POMGNT1: variants seen among roughly 807,000 people sequenced by gnomAD.
POMGNT1 encodes protein O-linked-mannose beta-1,2-N-acetylglucosaminyltransferase 1.
POMGNT1 carries 67 observed loss-of-function variants against 95.6 expected under a neutral mutation model. The observed-to-expected ratio is 0.70, with a 90% CI of 0.58 to 0.86. POMGNT1 has a LOEUF of 0.86. Among genes scored for constraint, POMGNT1 ranks in the 40% least tolerant of loss-of-function variants. POMGNT1 has a pLI of 0.00. For synonymous variants in POMGNT1, 298 were observed against 317.9 expected, an observed-to-expected ratio of 0.94 and a Z score of 0.66; for missense variants, 719 against 855.2, an observed-to-expected ratio of 0.84 and a Z score of 1.99.
chr1:46,203,343 C>G, upstream of POMGNT1: 1 of 1,315,430 alleles, frequency 7.6e-7, no homozygotes, highest in East Asian at 2.9e-5. Flanking sequence ...CGGTTTTGCT[C>G]CGCTTTAGCA....
chr1:46,208,311 T>G (rs1337897270), intron 1 of POMGNT1, among the ~76,000 whole-genome samples: 2 of 152,158 alleles, frequency 1.3e-5, no homozygotes, highest in African/African-American at 2.4e-5. Flanking sequence ...GAATTTTAAG[T>G]GCTTGCTTCA....
Position 46,189,859 on chromosome 1 carries a change from C to A in POMGNT1, c.1780G>T (p.Ala594Ser), listed in dbSNP as rs749960797. ...DDDFTTWTQL[A>S]KCLHIWDLDV... ...TGGGCATGGTATTGGAGCACCTTGGCAAGCTGGGTCCAGGTGGTGAAGTCA... is the reference window on the plus strand; with the variant it reads ...TGGGCATGGTATTGGAGCACCTTGGAAAGCTGGGTCCAGGTGGTGAAGTCA... Residue 594 changes from alanine to serine, a missense_variant, in exon 20 of 22, where the codon GCC (alanine) becomes TCC (serine). Coordinates refer to ENST00000371984, the MANE Select transcript of POMGNT1 (RefSeq NM_017739.4). The A allele has an allele frequency of 4.6e-5, 75 of 1,613,702 alleles. No individual in the cohort carries two copies. The highest frequency in any genetic ancestry group is 6.1e-5 in the Non-Finnish European group (72 of 1,180,010).
chr1:46,207,607 C>T (rs932380178), intron 1 of POMGNT1, among the ~76,000 whole-genome samples: 6 of 151,386 alleles, frequency 4.0e-5, no homozygotes, highest in Admixed American at 6.6e-5. Flanking sequence ...GGTGCGATCT[C>T]GGCTCACTGC....
chr1:46,197,833 G>A lies in POMGNT1; in HGVS notation c.-12C>T, dbSNP rs551996110. 3.2e-5 allele frequency: 52 copies of A among 1,613,760 alleles called. No individual in the cohort carries two copies. The East Asian group carries it at 3.3e-4, about 10-fold the overall frequency. On this transcript the variant is annotated 5_prime_UTR_variant, in exon 2 of 22. Transcript: ENST00000371984. ...TTCCAGTCGTCCATACCGGATTGGC[G>A]GGTCACCAATGTCCTGGCCAGCCCA...
At chr1:46,217,659 C>T (rs939354544) in intron 1 of POMGNT1, among the ~76,000 whole-genome samples, 1 of 152,140 alleles carries the variant, frequency 6.6e-6, no homozygotes, top group Admixed American at 6.6e-5. Context: ...GAGTTTGAGA[C>T]CAGCCTGGCT....
chr1:46,218,721 CTG>C (rs1323145301), intron 1 of POMGNT1, among the ~76,000 whole-genome samples: 2 of 152,112 alleles, frequency 1.3e-5, no homozygotes, highest in Non-Finnish European at 2.9e-5. Context: ...TGAGATTACC[CTG>C]TAAGTCAAAT....
intron 17 of POMGNT1, 192 bp from the exon 18 acceptor site, chr1:46,190,976 C>A: frequency 1.6e-6 from 1 of 608,330 alleles, no homozygotes. Context: ...ATTTGGCCTC[C>A]ACCATTGCTG....
upstream of POMGNT1, among the ~76,000 whole-genome samples, chr1:46,202,716 A>C (rs1422677915): frequency 6.6e-6 from 1 of 150,490 alleles, no homozygotes; most frequent in Non-Finnish European, 1.5e-5. Context: ...AAAAAAAAAA[A>C]AAAAAAAATG....
intron 1 of POMGNT1, among the ~76,000 whole-genome samples, chr1:46,203,983 C>A (rs556189620): frequency 1.5e-4 from 23 of 152,246 alleles, no homozygotes; most frequent in Admixed American, 1.3e-3. Flanking sequence ...CCCCGCCAGT[C>A]CCCGTTGTAA....
chr1:46,197,433 T>C, intron 2 of POMGNT1: 1 of 1,492,608 alleles, frequency 6.7e-7, no homozygotes, highest in Non-Finnish European at 8.9e-7. Flanking sequence ...TGGCCCTAAC[T>C]GCCTCACAGG....
Position 46,190,525 on chromosome 1 carries a change from G to A in POMGNT1, c.1605-8C>T, listed in dbSNP as rs535331969. The A allele has an allele frequency of 2.2e-5, 36 of 1,602,736 alleles. No homozygotes were observed. In the East Asian group the frequency reaches 7.6e-4, roughly 34 times the overall value. On this transcript the variant is annotated splice_polypyrimidine_tract_variant and splice_region_variant and intron_variant, in intron 18 of 21. Coordinates refer to ENST00000371984, the MANE Select transcript of POMGNT1 (RefSeq NM_017739.4). ...TAAGCTTCTTTCTTCAGACTGAAGAGGAGGGAGAAATGGGTCAGGGGAGTG... is the reference window on the plus strand; with the variant it reads ...TAAGCTTCTTTCTTCAGACTGAAGAAGAGGGAGAAATGGGTCAGGGGAGTG...
intron 11 of POMGNT1, 38 bp from the exon 12 acceptor site, chr1:46,193,426 T>C (rs780831895): frequency 2.5e-6 from 4 of 1,606,408 alleles, no homozygotes; most frequent in East Asian, 4.5e-5. Context: ...GTGAGGTCAC[T>C]TTCCCTCTGC....
rs386834018 is a variant in POMGNT1, at chr1:46,189,901, G to A, written c.1738C>T (p.Arg580Ter). The A allele has an allele frequency of 5.0e-6, 8 of 1,613,900 alleles. No individual in the cohort carries two copies. Among genetic ancestry groups the A allele is most frequent in the Admixed American group, 1.7e-5 (1 of 59,988 alleles). Reference protein sequence around the residue: ...TEGHTYVAFIRMEKDDDFTTW... With the variant: ...TEGHTYVAFI ...GTGAAGTCATCATCTTTCTCCATTC[G>A]AATAAAGGCCACGTAGGTGTGGCCC... The change falls in exon 20 of 22, where the codon CGA becomes TGA. Residue 580 changes from arginine (R) to a stop codon, truncating the protein, a stop_gained. Transcript: ENST00000371984. LOFTEE classifies it high-confidence loss of function.
chr1:46,211,343 C>T (rs1464043835), intron 1 of POMGNT1, among the ~76,000 whole-genome samples: 1 of 151,978 alleles, frequency 6.6e-6, no homozygotes, highest in Admixed American at 6.6e-5. Context: ...CAGAAAGAGA[C>T]TGTTTCCTGA....
upstream of POMGNT1, among the ~76,000 whole-genome samples, chr1:46,202,923 GTGTGTGTGTGTGT>G (rs1658588995): frequency 2.2e-5 from 2 of 89,130 alleles, no homozygotes; most frequent in Non-Finnish European, 5.1e-5. Flanking sequence ...GGGGGGTGGT[GTGTGTGTGTGTGT>G]GTGTGTGTGT....
chr1:46,189,539 C>G lies in POMGNT1; in HGVS notation c.1814G>C (p.Arg605Pro), dbSNP rs267606962. 4.3e-6 allele frequency: 7 copies of G among 1,612,846 alleles called. No individual in the cohort carries two copies. The highest frequency in any genetic ancestry group is 1.1e-5 in the South Asian group (1 of 90,702). Reference protein sequence around the residue: ...KCLHIWDLDVRGNHRGLWRLF... With the variant: ...KCLHIWDLDVPGNHRGLWRLF... ...TCTCCACAGGCCCCGATGGTTGCCA[C>G]GCACATCCAGGTCCCAGATATGGAG... The change falls in exon 21 of 22, where the codon CGT becomes CCT. Residue 605 changes from arginine (R) to proline (P), a missense_variant. Around this residue, in one of 5 missense-constraint regions of POMGNT1, gnomAD observed 130 missense variants for 149.2 expected, o/e 0.87. Transcript: ENST00000371984.
chr1:46,193,396 A>AC lies in POMGNT1; in HGVS notation c.1027-9dup, dbSNP rs1557673467. 1.9e-6 allele frequency: 3 copies of AC among 1,610,586 alleles called. No individual in the cohort carries two copies. The highest frequency in any genetic ancestry group is 3.4e-5 in the Admixed American group (2 of 59,290). ...CACCACATCCATGGGTTCCTGGGGG[A>AC]CATGGCCACTGCTCACCATGTGAGG... On this transcript the variant is annotated splice_polypyrimidine_tract_variant and intron_variant, in intron 11 of 21. Transcript: ENST00000371984.
Position 46,195,821 on chromosome 1 carries a change from C to A in POMGNT1, c.524G>T (p.Cys175Phe), listed in dbSNP as rs1487254656. 1 of 1,594,742 alleles carries A rather than the reference C, an allele frequency of 6.3e-7. No individual in the cohort carries two copies. Among genetic ancestry groups the A allele is most frequent in the Non-Finnish European group, 8.6e-7 (1 of 1,169,336 alleles). ...GACAGAATAACTGACCTTGACAGTG[C>A]AGATGAGCACTCGGCCGGGCGCTAC... ...NMVAPGRVLICTVKDEGSFHL... is the reference protein window; with the variant it reads ...NMVAPGRVLIFTVKDEGSFHL... Residue 175 changes from cysteine (C) to phenylalanine (F), a missense_variant, in exon 6 of 22, where the codon TGC becomes TTC. By Grantham distance (205) the Cys-to-Phe change is radical (BLOSUM62 -2). This residue lies in a region of POMGNT1 where 466 missense variants were observed against 517.4 expected (regional missense o/e 0.90). Transcript: ENST00000371984.
intron 1 of POMGNT1, among the ~76,000 whole-genome samples, chr1:46,215,257 G>A (rs1281021462): frequency 6.7e-6 from 1 of 148,866 alleles, no homozygotes; most frequent in Non-Finnish European, 1.5e-5. Context: ...ATGCAAGAGT[G>A]AAAAAAACAA....
Sources: gnomAD v4.1 joint callset for allele counts (sites outside exome capture counted in the v4.1 genomes callset) on GRCh38, gnomAD v4.1.1 for gene constraint, gnomAD v4.1.1 regional missense constraint, MANE v1.5 for transcripts, NCBI Gene and HGNC (gene_info 2026-07-23, HGNC 2026-07-21) for gene names.